NCBP1: variants seen among roughly 807,000 people sequenced by gnomAD.
The protein encoded by NCBP1 is nuclear cap binding protein subunit 1.
Under a neutral mutation model 111.7 loss-of-function variants are expected in NCBP1, and 16 were observed. That is an observed-to-expected ratio of 0.14 (90% CI 0.10 to 0.22). NCBP1 has a LOEUF of 0.22. NCBP1 is among the 10% of genes least tolerant of loss of function. The pLI is 1.00. For synonymous variants in NCBP1, 304 were observed against 314.3 expected, an observed-to-expected ratio of 0.97 and a Z score of 0.35; for missense variants, 607 against 957.5, an observed-to-expected ratio of 0.63 and a Z score of 4.83.
chr9:97,657,072 ATTC>A (rs1827679382), intron 14 of NCBP1, among the ~76,000 whole-genome samples: 1 of 152,122 alleles, frequency 6.6e-6, no homozygotes, highest in East Asian at 1.9e-4. Context: ...GGTTCACGCC[ATTC>A]TCCTGCCTCA....
In NCBP1 at chr9:97,664,385, G is replaced by T; in HGVS notation, c.1843G>T (p.Asp615Tyr). ...VDKMIRTQIV[D>Y]CAAVANWIFS... is the part of the protein sequence containing the mutation. ...TAAGATGATTCGTACACAAATAGTT[G>T]ATTGTGCTGCCGTAGCAAATTGGAT... is the stretch of plus-strand genomic sequence containing the variant. The change falls in exon 19 of 23, where the codon GAT (aspartate) becomes TAT (tyrosine). Residue 615 changes from aspartate (D) to tyrosine (Y), a missense_variant. Transcript: ENST00000375147. 4 of 1,613,114 alleles carry T rather than the reference G, an allele frequency of 2.5e-6. No individual in the cohort carries two copies. Among genetic ancestry groups the T allele is most frequent in the Non-Finnish European group, 2.5e-6 (3 of 1,179,174 alleles).
At chr9:97,660,913 T>A in intron 15 of NCBP1, 33 bp from the exon 16 acceptor site, 1 of 1,577,844 alleles carries the variant, frequency 6.3e-7, no homozygotes, top group Non-Finnish European at 8.6e-7. Context: ...AAACCTGATC[T>A]GTCATTCCCC....
intron 10 of NCBP1, among the ~76,000 whole-genome samples, chr9:97,652,435 TG>T (rs1827524320): frequency 6.6e-6 from 1 of 152,102 alleles, no homozygotes; most frequent in Non-Finnish European, 1.5e-5. Flanking sequence ...CTGGGCAACA[TG>T]GCAAAATCCT....
intron 11 of NCBP1, 103 bp from the exon 12 acceptor site, chr9:97,654,777 A>G: frequency 9.9e-7 from 1 of 1,007,288 alleles, no homozygotes; most frequent in Non-Finnish European, 1.5e-6. Context: ...GTTCAGCATT[A>G]TTAATCATTA....
intron 1 of NCBP1, among the ~76,000 whole-genome samples, chr9:97,638,361 G>T (rs1827112515): frequency 6.6e-6 from 1 of 152,112 alleles, no homozygotes; most frequent in Non-Finnish European, 1.5e-5. Context: ...GTATTTTCTA[G>T]TTGTTTCTCA....
rs749349979 is a variant in NCBP1, at chr9:97,669,610, G to T, written c.2163G>T (p.Leu721Phe). Residue 721 changes from leucine (L) to phenylalanine (F), a missense_variant, in exon 22 of 23, where the codon TTG (leucine) becomes TTT (phenylalanine). Leu to Phe is a conservative substitution (Grantham distance 22). This residue lies in a region of NCBP1 where 282 missense variants were observed against 376.5 expected (regional missense o/e 0.75). Coordinates refer to ENST00000375147, the MANE Select transcript of NCBP1 (RefSeq NM_002486.5). ...CTTTCCAGCGGTTTATCATGATCTT[G>T]ACCGAGCACCTAGTACGATGCGAAA... is the stretch of plus-strand genomic sequence containing the variant. The part of the protein sequence containing the change: ...LVIFQRFIMI[L>F]TEHLVRCETD... 2 of 1,610,016 alleles carry T rather than the reference G, an allele frequency of 1.2e-6. No homozygotes were observed. The highest frequency in any genetic ancestry group is 1.7e-6 in the Non-Finnish European group (2 of 1,176,404).
Position 97,664,365 on chromosome 9 carries a change from T to A in NCBP1, c.1823T>A (p.Met608Lys). Residue 608 changes from methionine (M) to lysine (K), a missense_variant, in exon 19 of 23, where the codon ATG (methionine) becomes AAG (lysine). Physicochemically the swap from Met to Lys is moderately conservative, Grantham distance 95 (BLOSUM62 -1). Coordinates refer to ENST00000375147, the MANE Select transcript of NCBP1 (RefSeq NM_002486.5). ...ATGATTGCTGTACTAGTGGATAAGATGATTCGTACACAAATAGTTGATTGT... is the reference window on the plus strand; with the variant it reads ...ATGATTGCTGTACTAGTGGATAAGAAGATTCGTACACAAATAGTTGATTGT... Reference protein sequence around the residue: ...PQMIAVLVDKMIRTQIVDCAA... With the variant: ...PQMIAVLVDKKIRTQIVDCAA... The A allele has an allele frequency of 6.2e-7, 1 of 1,612,332 alleles. No homozygotes were observed. Among genetic ancestry groups the A allele is most frequent in the Non-Finnish European group, 8.5e-7 (1 of 1,178,458 alleles).
At position 97,673,323 on chromosome 9, in the gene NCBP1, C is replaced by A. The variant is rs966566334; in HGVS notation, c.*2124C>A. ...GGGTCAACTGTAGTTTAAAATGACT[C>A]CTGTCTCAAAAAACCAAAGGATAAC... On this transcript the variant is annotated 3_prime_UTR_variant, in exon 23 of 23. Transcript: ENST00000375147. 6.6e-6 allele frequency: 1 copy of A among 152,040 alleles called. No homozygotes were observed. The highest frequency in any genetic ancestry group is 2.1e-4 in the South Asian group (1 of 4,816). 9.4% of individuals were successfully genotyped at this position (152,040 alleles called of 1,614,324 possible).
At chr9:97,668,729 C>CACTATAGAAT in intron 20 of NCBP1, 117 bp from the exon 21 acceptor site, 1 of 1,159,834 alleles carries the variant, frequency 8.6e-7, no homozygotes, top group Non-Finnish European at 1.2e-6. Context: ...GGGGTACTTT[C>CACTATAGAAT]ACTATAGAAT....
At chr9:97,642,927 G>A (rs1302319923) in intron 3 of NCBP1, among the ~76,000 whole-genome samples, 2 of 152,066 alleles carry the variant, frequency 1.3e-5, no homozygotes, top group Non-Finnish European at 2.9e-5. Context: ...AAGAAAAACT[G>A]TTGTAGCATT....
At chr9:97,660,416 A>C (rs1827797987) in intron 15 of NCBP1, among the ~76,000 whole-genome samples, 1 of 152,200 alleles carries the variant, frequency 6.6e-6, no homozygotes, top group Admixed American at 6.5e-5. Flanking sequence ...TGAGCATCTG[A>C]CTTACGTAGA....
At chr9:97,659,714 T>C (rs971650313) in intron 15 of NCBP1, among the ~76,000 whole-genome samples, 4 of 152,222 alleles carry the variant, frequency 2.6e-5, no homozygotes. Context: ...TTTTGAGTTT[T>C]GTCCTGTACT....
intron 1 of NCBP1, among the ~76,000 whole-genome samples, chr9:97,639,161 G>A (rs945483900): frequency 1.3e-5 from 2 of 152,084 alleles, no homozygotes; most frequent in Admixed American, 6.6e-5. Context: ...TGCTGCATGC[G>A]TATTATACTT....
intron 1 of NCBP1, among the ~76,000 whole-genome samples, chr9:97,634,242 C>T (rs907965329): frequency 2.6e-5 from 4 of 152,164 alleles, no homozygotes; most frequent in Admixed American, 1.3e-4. Flanking sequence ...TCTGTGCTGC[C>T]GCCTCTTAGG....
At chr9:97,660,534 G>A (rs1827803430) in intron 15 of NCBP1, among the ~76,000 whole-genome samples, 2 of 152,228 alleles carry the variant, frequency 1.3e-5, no homozygotes, top group Non-Finnish European at 2.9e-5. Context: ...CGGTCCCGAG[G>A]AAAGAAAGAG....
chr9:97,657,743 TC>T (rs1228301489), intron 14 of NCBP1, among the ~76,000 whole-genome samples: 1 of 152,022 alleles, frequency 6.6e-6, no homozygotes, highest in Non-Finnish European at 1.5e-5. Context: ...AGCTGTCCTT[TC>T]TCCCCCATTT....
At chr9:97,652,910 G>A (rs1273409841) in intron 10 of NCBP1, among the ~76,000 whole-genome samples, 1 of 152,176 alleles carries the variant, frequency 6.6e-6, no homozygotes, top group Non-Finnish European at 1.5e-5. Flanking sequence ...AAGTGTGAGA[G>A]ATAGGTAAGA....
At chr9:97,670,176 A>C in intron 22 of NCBP1, 1 of 228,850 alleles carries the variant, frequency 4.4e-6, no homozygotes, top group Admixed American at 4.9e-5. Context: ...CCGCCTCCCA[A>C]AGTGCTGCTG....
Position 97,641,610 on chromosome 9 carries a change from G to A in NCBP1, c.172G>A (p.Glu58Lys). 6.2e-7 allele frequency: 1 copy of A among 1,610,290 alleles called. No homozygotes were observed. The highest frequency in any genetic ancestry group is 8.5e-7 in the Non-Finnish European group (1 of 1,177,006). ...CCTAGAAGGCTTGGCTGGTGTTTTGGAAGCTGATCTTCCTAACTACAAGAG... is the reference window on the plus strand; with the variant it reads ...CCTAGAAGGCTTGGCTGGTGTTTTGAAAGCTGATCTTCCTAACTACAAGAG... ...SNLEGLAGVL[E>K]ADLPNYKSKI... is the part of the protein sequence containing the mutation. Residue 58 changes from glutamate to lysine, a missense_variant, in exon 3 of 23, where the codon GAA (glutamate) becomes AAA (lysine). Glu to Lys is a moderately conservative substitution (Grantham distance 56). Coordinates refer to ENST00000375147, the MANE Select transcript of NCBP1 (RefSeq NM_002486.5).
Sources: allele counts gnomAD v4.1 joint callset (sites outside exome capture counted in the v4.1 genomes callset), GRCh38; gene constraint gnomAD v4.1.1; regional missense constraint gnomAD v4.1.1; transcripts MANE v1.5; gene names NCBI Gene and HGNC (gene_info 2026-07-23, HGNC 2026-07-21).